Variants in TBXAS1 observed in about 807,000 individuals in gnomAD.
TBXAS1 encodes thromboxane A synthase 1.
Under a neutral mutation model 60.7 loss-of-function variants are expected in TBXAS1, and 48 were observed. The observed-to-expected ratio is 0.79, with a 90% CI of 0.63 to 1.01. TBXAS1 has a LOEUF of 1.01. TBXAS1 is among the 50% of genes least tolerant of loss of function. The pLI is 0.00. For synonymous variants in TBXAS1, 287 were observed against 269.7 expected (o/e 1.06, Z -0.63); for missense variants, 685 against 686.3 (o/e 1.00, Z 0.02).
At chr7:139,895,430 G>A (rs2116956266) in intron 3 of TBXAS1, among the ~76,000 whole-genome samples, 1 of 152,358 alleles carries the variant, frequency 6.6e-6, no homozygotes, top group Admixed American at 6.5e-5. Flanking sequence ...CTAGGGATCA[G>A]TGAAGGGAAG....
intron 9 of TBXAS1, among the ~76,000 whole-genome samples, chr7:139,991,971 T>G (rs1812941653): frequency 6.6e-6 from 1 of 152,182 alleles, no homozygotes. Flanking sequence ...TGGGTCTCAC[T>G]TGCAGGGGAG....
intron 1 of TBXAS1, among the ~76,000 whole-genome samples, chr7:139,848,340 G>A (rs773251528): frequency 2.0e-5 from 3 of 152,028 alleles, no homozygotes; most frequent in Admixed American, 1.3e-4. Flanking sequence ...TGTCAGTTAC[G>A]TAGGGGTAGA....
chr7:139,785,853 A>T (rs372973138), intron 3 of TBXAS1, among the ~76,000 whole-genome samples: 1 of 149,632 alleles, frequency 6.7e-6, no homozygotes, highest in East Asian at 1.9e-4. Flanking sequence ...GTCTTTGTAC[A>T]TGCCAGCCTC....
chr7:139,977,282 CAA>C (rs1811632454), intron 9 of TBXAS1, among the ~76,000 whole-genome samples: 2 of 152,106 alleles, frequency 1.3e-5, no homozygotes, highest in Non-Finnish European at 2.9e-5. Context: ...TGGTGGAAGG[CAA>C]AGAGGAGCAA....
chr7:139,960,396 G>A (rs1810232179), intron 8 of TBXAS1, among the ~76,000 whole-genome samples: 1 of 152,202 alleles, frequency 6.6e-6, no homozygotes, highest in African/African-American at 2.4e-5. Context: ...ACTAGGCACG[G>A]TGTCAGGGGT....
chr7:139,914,020 A>T (rs1482041950), intron 4 of TBXAS1: 1 of 150,016 alleles, frequency 6.7e-6, no homozygotes, highest in Non-Finnish European at 1.5e-5. Flanking sequence ...CGTGAGCTTG[A>T]GCACATATCT....
At chr7:140,017,535 G>A in intron 11 of TBXAS1, 136 bp from the exon 12 acceptor site, 1 of 1,190,890 alleles carries the variant, frequency 8.4e-7, no homozygotes, top group Non-Finnish European at 1.2e-6. Context: ...CTGAGGCTCA[G>A]GAATGAGCAG....
intron 7 of TBXAS1, among the ~76,000 whole-genome samples, chr7:139,955,949 G>A (rs1315850337): frequency 2.6e-5 from 4 of 152,156 alleles, no homozygotes; most frequent in South Asian, 4.1e-4. Context: ...TTTCTCAGGT[G>A]TGAAACAGGC....
rs778345762 is a variant in TBXAS1, at chr7:139,951,901, AAGAAAG to A, written c.451-1459_451-1454del. Among the ~76,000 whole-genome samples, 5 of 28,914 alleles carry A rather than the reference AAGAAAG, an allele frequency of 1.7e-4. 1 individual carries two copies. Among genetic ancestry groups the A allele is most frequent in the African/African-American group, 8.2e-4 (5 of 6,078 alleles). The allele number at this position is 28,914 out of a possible 152,430, so 19.0% of individuals were successfully genotyped here. On this transcript the variant is annotated intron_variant, in intron 5 of 12. Coordinates refer to ENST00000448866, the MANE Select transcript of TBXAS1 (RefSeq NM_001061.7). Reference sequence around the variant, plus strand: ...AAGGAAAGAAGGAAGGAAGGAAGGAAAGAAAGAGAAAGAAAGAGAGAAAGAAAGAGA... The same window carrying A: ...AAGGAAAGAAGGAAGGAAGGAAGGAAAGAAAGAAAGAGAGAAAGAAAGAGA...
chr7:139,992,304 G>A (rs1250397427), intron 9 of TBXAS1, among the ~76,000 whole-genome samples: 1 of 152,318 alleles, frequency 6.6e-6, no homozygotes, highest in East Asian at 1.9e-4. Context: ...TGCTATCTGC[G>A]ATTTAGTAAA....
At chr7:139,824,840 T>TTTC (rs1209657581), upstream of TBXAS1, among the ~76,000 whole-genome samples, 1 of 147,314 alleles carries the variant, frequency 6.8e-6, no homozygotes, top group Non-Finnish European at 1.5e-5. Flanking sequence ...TTTTTTTTTT[T>TTTC]TTTTTTTGAG....
At chr7:139,971,884 T>A (rs997361067) in intron 9 of TBXAS1, among the ~76,000 whole-genome samples, 2 of 152,146 alleles carry the variant, frequency 1.3e-5, no homozygotes, top group Non-Finnish European at 2.9e-5. Flanking sequence ...TTGTTCTGAC[T>A]CTATTCCCAG....
intron 10 of TBXAS1, among the ~76,000 whole-genome samples, chr7:140,012,696 T>C (rs1814717444): frequency 6.6e-6 from 1 of 151,868 alleles, no homozygotes. Flanking sequence ...TGACCTCAGG[T>C]GATCCACACA....
At chr7:139,974,946 G>A (rs186851190) in intron 9 of TBXAS1, among the ~76,000 whole-genome samples, 3 of 152,292 alleles carry the variant, frequency 2.0e-5, no homozygotes, top group East Asian at 1.9e-4. Flanking sequence ...CAGAGGAACC[G>A]AACTAATAGG....
intron 9 of TBXAS1, among the ~76,000 whole-genome samples, chr7:139,974,126 T>C (rs1811402217): frequency 6.6e-6 from 1 of 152,196 alleles, no homozygotes; most frequent in African/African-American, 2.4e-5. Context: ...TCCCTGGCTA[T>C]AGGCAAGAAC....
chr7:140,018,235 G>T (rs1356840480), intron 12 of TBXAS1, among the ~76,000 whole-genome samples: 1 of 152,156 alleles, frequency 6.6e-6, no homozygotes, highest in Non-Finnish European at 1.5e-5. Context: ...TTTGCGGGGT[G>T]GGGGGTGCAT....
intron 4 of TBXAS1, among the ~76,000 whole-genome samples, chr7:139,804,331 T>C (rs1339125859): frequency 6.6e-6 from 1 of 152,252 alleles, no homozygotes; most frequent in Non-Finnish European, 1.5e-5. Context: ...TTGAAATGGA[T>C]GTATTTACCC....
chr7:139,973,213 C>G (rs1046664238), intron 9 of TBXAS1, among the ~76,000 whole-genome samples: 1 of 152,200 alleles, frequency 6.6e-6, no homozygotes, highest in Non-Finnish European at 1.5e-5. Context: ...TCTGAAAGAT[C>G]ATGAGGCTGG....
intron 4 of TBXAS1, among the ~76,000 whole-genome samples, chr7:139,817,472 T>C (rs1445782909): frequency 6.6e-6 from 1 of 152,172 alleles, no homozygotes; most frequent in Non-Finnish European, 1.5e-5. Context: ...TCCTGCTTCA[T>C]GAATCTTGTG....
Sources: allele counts gnomAD v4.1 joint callset (sites outside exome capture counted in the v4.1 genomes callset), GRCh38; gene constraint gnomAD v4.1.1; transcripts MANE v1.5; gene names NCBI Gene and HGNC (gene_info 2026-07-23, HGNC 2026-07-21).